C2: variants seen among roughly 807,000 people sequenced by gnomAD.
The protein encoded by C2 is complement C2.
C2 carries 64 observed loss-of-function variants against 85.2 expected under a neutral mutation model. That is an observed-to-expected ratio of 0.75 (90% CI 0.61 to 0.92). The LOEUF (loss-of-function observed/expected upper bound fraction) is 0.92, where lower values mean the gene tolerates loss of function less well. C2 is among the 40% of genes least tolerant of loss of function. The probability of loss-of-function intolerance (pLI) is 0.00; values close to 1 mark genes in which losing one functional copy is unlikely to be tolerated. For missense variants in C2, 820 were observed against 971.6 expected, an observed-to-expected ratio of 0.84 and a Z score of 2.07; for synonymous variants, 311 against 370.8, an observed-to-expected ratio of 0.84 and a Z score of 1.85.
upstream of C2, among the ~76,000 whole-genome samples, chr6:31,925,104 C>G (rs1436753957): frequency 6.6e-6 from 1 of 152,184 alleles, no homozygotes; most frequent in Non-Finnish European, 1.5e-5. Flanking sequence ...CCCTAGCTGA[C>G]TGCCGCTGCA....
rs1771085283 is a variant in C2, at chr6:31,943,650, C to A, written c.1574C>A (p.Pro525His). The A allele has an allele frequency of 6.2e-7, 1 of 1,613,076 alleles. No homozygotes were observed. The highest frequency in any genetic ancestry group is 8.5e-7 in the Non-Finnish European group (1 of 1,180,024). The part of the protein sequence containing the change: ...HSLWRVNVGD[P>H]KSQWGKEFLI... The stretch of plus-strand genomic sequence containing the variant: ...TCTAGTGTATCATTTCCAGGAGACC[C>A]CAAATCCCAGTGGGGCAAAGAATTC... The change falls in exon 13 of 18, where the codon CCC becomes CAC. Residue 525 changes from proline to histidine, a missense_variant. By Grantham distance (77) the Pro-to-His change is moderately conservative. Transcript: ENST00000299367. This position sits in a 1 kb window ranked among gnomAD's most constrained non-coding sequence, Gnocchi z 6.4.
At chr6:31,934,396 C>T (rs769854288) in intron 6 of C2, 97 bp downstream of exon 6, 2 of 1,501,122 alleles carry the variant, frequency 1.3e-6, no homozygotes, top group Admixed American at 1.7e-5. Context: ...CACAGCCCAC[C>T]TCCTCCAAGA....
intron 3 of C2, among the ~76,000 whole-genome samples, chr6:31,930,084 CT>C (rs527924764): frequency 0.035 from 4,957 of 143,486 alleles, 95 homozygotes; most frequent in South Asian, 0.056. Flanking sequence ...GCCATGTACA[CT>C]TTTTTTTTTT....
chr6:31,923,255 G>A (rs1025731672), upstream of C2, among the ~76,000 whole-genome samples: 3 of 152,222 alleles, frequency 2.0e-5, no homozygotes, highest in Non-Finnish European at 4.4e-5. Context: ...AGAGCTGACA[G>A]TGGACTATAA....
rs564660044 is a variant in C2 at position 31,940,039 on chromosome 6, G to T, written c.1219+719G>T. 2.0e-4 allele frequency among the ~76,000 whole-genome samples: 30 copies of T among 152,284 alleles called. 1 individual carries two copies. The South Asian group carries it at 4.3e-3, about 22-fold the overall frequency. On this transcript the variant is annotated intron_variant, in intron 9 of 17. Transcript: ENST00000299367. ...GATCCGCCTGCCTTGGTCTCCCAAGGTGCTGGGATTACAGATAGGCGTGAG... is the reference window on the plus strand; with the variant it reads ...GATCCGCCTGCCTTGGTCTCCCAAGTTGCTGGGATTACAGATAGGCGTGAG...
intron 8 of C2, 36 bp downstream of exon 8, chr6:31,937,495 T>C: frequency 6.2e-7 from 1 of 1,611,604 alleles, no homozygotes; most frequent in South Asian, 1.1e-5. Context: ...TCTGGAATAG[T>C]GGAAGGGGCA....
At chr6:31,928,653 A>G (rs1769463062) in intron 2 of C2, 79 bp from the exon 3 acceptor site, 4 of 1,424,692 alleles carry the variant, frequency 2.8e-6, no homozygotes, top group African/African-American at 2.8e-5. Flanking sequence ...GCATTCCAGC[A>G]TAAAATCACC....
chr6:31,938,611 C>A (rs1374346227), intron 8 of C2, among the ~76,000 whole-genome samples: 1 of 151,758 alleles, frequency 6.6e-6, no homozygotes, highest in Non-Finnish European at 1.5e-5. Context: ...CGTGCCTCAG[C>A]CTCCAGAGTA....
chr6:31,901,311 C>G (rs758773664), intron 1 of C2: 11 of 1,601,256 alleles, frequency 6.9e-6, no homozygotes, highest in Non-Finnish European at 6.0e-6. Flanking sequence ...GCCATTGTGG[C>G]GGGGGTGGGC....
intron 1 of C2, among the ~76,000 whole-genome samples, chr6:31,911,544 C>A (rs371055841): frequency 6.6e-6 from 1 of 151,574 alleles, no homozygotes; most frequent in Non-Finnish European, 1.5e-5. Context: ...TTCTTGAAAT[C>A]AGCATGCACA....
intron 1 of C2, among the ~76,000 whole-genome samples, chr6:31,911,204 C>T (rs1768073028): frequency 6.6e-6 from 1 of 151,642 alleles, no homozygotes; most frequent in Admixed American, 6.6e-5. Flanking sequence ...GAGGTGGAGG[C>T]AGGAGAATTG....
At position 31,927,878 on chromosome 6, in the gene C2, A is replaced by G; in HGVS notation, c.47-77A>G. The G allele has an allele frequency of 1.3e-6, 2 of 1,586,074 alleles. No individual in the cohort carries two copies. The highest frequency in any genetic ancestry group is 1.7e-4 in the Middle Eastern group (1 of 6,010). ...CAGCTTGAATTCCCATGTGTGAAACAGTCTCTTTTGCTTTCCTTTTCTCAT... is the reference window on the plus strand; with the variant it reads ...CAGCTTGAATTCCCATGTGTGAAACGGTCTCTTTTGCTTTCCTTTTCTCAT... On this transcript the variant is annotated intron_variant, in intron 1 of 17. Transcript: ENST00000299367. The surrounding 1 kb of genome is among the most constrained non-coding windows in gnomAD (Gnocchi z 4.7).
chr6:31,914,315 G>A (rs1341456853), intron 1 of C2, among the ~76,000 whole-genome samples: 2 of 151,728 alleles, frequency 1.3e-5, no homozygotes, highest in African/African-American at 4.8e-5. Flanking sequence ...CTGAGTGGCC[G>A]GGCGCGGTGG....
chr6:31,939,335 C>T lies in C2; in HGVS notation c.1219+15C>T. 6.3e-7 allele frequency: 1 copy of T among 1,581,172 alleles called. No individual in the cohort carries two copies. The highest frequency in any genetic ancestry group is 8.7e-7 in the Non-Finnish European group (1 of 1,151,816). Reference sequence around the variant, plus strand: ...TGACTATCTGGGTGAGCCCCTGCCACTGCCACCACATTTGTTCTGCTCCTG... The same window carrying T: ...TGACTATCTGGGTGAGCCCCTGCCATTGCCACCACATTTGTTCTGCTCCTG... On this transcript the variant is annotated intron_variant, in intron 9 of 17. Transcript: ENST00000299367.
upstream of C2, among the ~76,000 whole-genome samples, chr6:31,899,285 C>G (rs886874882): frequency 4.9e-5 from 6 of 122,662 alleles, no homozygotes; most frequent in African/African-American, 1.9e-4. Flanking sequence ...TTGTTTCTTG[C>G]TATTGTACCC....
At chr6:31,932,336 G>A (rs1379558942) in intron 3 of C2, 3 of 193,086 alleles carry the variant, frequency 1.6e-5, no homozygotes, top group African/African-American at 2.4e-5. Flanking sequence ...GCTGCTGGGC[G>A]GAGGGGCTCC....
At chr6:31,931,207 G>A (rs1769707647) in intron 3 of C2, among the ~76,000 whole-genome samples, 1 of 151,610 alleles carries the variant, frequency 6.6e-6, no homozygotes, top group African/African-American at 2.4e-5. Flanking sequence ...CCTCCTGATG[G>A]ACATTTGGAT....
chr6:31,897,859 C>T (rs1448855449), upstream of C2: 1 of 1,051,802 alleles, frequency 9.5e-7, no homozygotes, highest in Non-Finnish European at 1.1e-6. Context: ...GAATTCCTGT[C>T]ATTCCTGGCC....
chr6:31,911,644 CTCTCTTTTTTTTTT>C (rs1768107766), intron 1 of C2, among the ~76,000 whole-genome samples: 1 of 142,868 alleles, frequency 7.0e-6, no homozygotes, highest in Admixed American at 7.0e-5. Flanking sequence ...TTTTTTTTCT[CTCTCTTTTTTTTTT>C]GAGACAGAGT....
Sources: allele counts gnomAD v4.1 joint callset (sites outside exome capture counted in the v4.1 genomes callset), GRCh38; gene constraint gnomAD v4.1.1; non-coding constraint Gnocchi (gnomAD v3.1); transcripts MANE v1.5; gene names NCBI Gene and HGNC (gene_info 2026-07-23, HGNC 2026-07-21).